Variants in FRMD4A observed in about 807,000 individuals in gnomAD.
The protein encoded by FRMD4A is FERM domain-containing protein 4A.
In FRMD4A, 29 loss-of-function variants were observed where a neutral mutation model predicts 129.1. That is an observed-to-expected ratio of 0.22 (90% CI 0.17 to 0.31). The LOEUF is 0.31. Ranked by LOEUF, FRMD4A falls within the 10% of genes least tolerant of loss-of-function variation. The pLI is 1.00. For synonymous variants in FRMD4A, 634 were observed against 571.6 expected (o/e 1.11, Z -1.56); for missense variants, 1,272 against 1,375.8 (o/e 0.92, Z 1.19).
At chr10:14,030,830 T>C (rs891994166) in intron 2 of FRMD4A, among the ~76,000 whole-genome samples, 4 of 152,160 alleles carry the variant, frequency 2.6e-5, no homozygotes, top group Non-Finnish European at 5.9e-5. Context: ...CCACTCAGGA[T>C]GCATTTTCCA....
intron 2 of FRMD4A, among the ~76,000 whole-genome samples, chr10:14,176,717 C>T (rs1479258355): frequency 6.6e-6 from 1 of 152,104 alleles, no homozygotes. Context: ...TCACGATCCA[C>T]CCCCTCGGCC....
intron 2 of FRMD4A, among the ~76,000 whole-genome samples, chr10:14,015,398 G>T (rs141034846): frequency 8.3e-6 from 1 of 119,954 alleles, no homozygotes; most frequent in Non-Finnish European, 1.7e-5. Context: ...CCCTCCCCTC[G>T]CCTCCCCTCC....
chr10:14,196,381 A>C (rs1167634337), intron 2 of FRMD4A, among the ~76,000 whole-genome samples: 1 of 152,208 alleles, frequency 6.6e-6, no homozygotes, highest in African/African-American at 2.4e-5. Flanking sequence ...CCCAAGCTGC[A>C]AGAGTTCCAG....
intron 2 of FRMD4A, among the ~76,000 whole-genome samples, chr10:13,965,532 G>A (rs938254428): frequency 3.9e-5 from 6 of 152,116 alleles, no homozygotes; most frequent in African/African-American, 4.8e-5. Flanking sequence ...TTTATTGAAG[G>A]AACTAGAATA....
intron 2 of FRMD4A, among the ~76,000 whole-genome samples, chr10:14,325,742 T>A (rs1279599725): frequency 6.6e-6 from 1 of 152,204 alleles, no homozygotes; most frequent in Admixed American, 6.5e-5. Flanking sequence ...TCAGCAAATA[T>A]TTGTTGGTTA....
At position 13,886,416 on chromosome 10, in the gene FRMD4A, A is replaced by G. The variant is rs1200666979; in HGVS notation, c.46-27504T>C. On this transcript the variant is annotated intron_variant, in intron 2 of 24. Transcript: ENST00000357447. ...ATCATTAAAAGGTTTGGGATTCTGC[A>G]TTAGGACCAGGACTCCGGACTTTAA... Among the ~76,000 whole-genome samples, 4 of 152,284 alleles carry G rather than the reference A, an allele frequency of 2.6e-5. No homozygotes were observed. In the East Asian group the frequency reaches 7.7e-4, roughly 29 times the overall value.
rs1171189797 is a variant in FRMD4A at position 13,983,611 on chromosome 10, C to T, written c.46-124699G>A. 2.6e-5 allele frequency among the ~76,000 whole-genome samples: 4 copies of T among 151,986 alleles called. No individual in the cohort carries two copies. The East Asian group carries it at 7.7e-4, about 29-fold the overall frequency. ...ATTGGTTTGAGGTATTGGTTATTTCCCTCTTGTTGCAGAAACAAAAGTGGT... is the reference window on the plus strand; with the variant it reads ...ATTGGTTTGAGGTATTGGTTATTTCTCTCTTGTTGCAGAAACAAAAGTGGT... On this transcript the variant is annotated intron_variant, in intron 2 of 24. Transcript: ENST00000357447.
chr10:13,978,986 T>C (rs1048513472), intron 2 of FRMD4A, among the ~76,000 whole-genome samples: 1 of 152,042 alleles, frequency 6.6e-6, no homozygotes, highest in East Asian at 1.9e-4. Flanking sequence ...CTTAGGAAAG[T>C]AAGCTGCCAT....
intron 2 of FRMD4A, among the ~76,000 whole-genome samples, chr10:13,887,548 A>G (rs1273110217): frequency 6.6e-6 from 1 of 152,104 alleles, no homozygotes; most frequent in Non-Finnish European, 1.5e-5. Flanking sequence ...GCGTAGTGGC[A>G]CGTGCCTGTA....
intron 23 of FRMD4A, chr10:13,652,759 A>T (rs1479775566): frequency 6.6e-6 from 1 of 152,278 alleles, no homozygotes; most frequent in Non-Finnish European, 1.5e-5. Flanking sequence ...TCAAAACTTG[A>T]GTGTGGGTCA....
At chr10:14,204,418 G>A (rs1207815002) in intron 2 of FRMD4A, among the ~76,000 whole-genome samples, 6 of 150,862 alleles carry the variant, frequency 4.0e-5, no homozygotes, top group Non-Finnish European at 5.9e-5. Context: ...ACAGTGAGAC[G>A]CAGTCAAAAA....
intron 2 of FRMD4A, among the ~76,000 whole-genome samples, chr10:14,131,605 C>T (rs1010756680): frequency 2.6e-5 from 4 of 152,220 alleles, no homozygotes; most frequent in Non-Finnish European, 4.4e-5. Context: ...AAATGTCAGG[C>T]TTCCATGTGA....
chr10:13,779,171 G>A (rs1364365352), intron 6 of FRMD4A, among the ~76,000 whole-genome samples: 2 of 152,086 alleles, frequency 1.3e-5, no homozygotes, highest in African/African-American at 4.8e-5. Context: ...ACAAAAATTA[G>A]CCAGGTGTGA....
chr10:14,299,510 G>A (rs144640109), intron 2 of FRMD4A, among the ~76,000 whole-genome samples: 1 of 152,334 alleles, frequency 6.6e-6, no homozygotes, highest in East Asian at 1.9e-4. Context: ...TGTGGCAAGT[G>A]AGGCAGCTGA....
chr10:13,658,664 T>C (rs1430700319), intron 21 of FRMD4A, among the ~76,000 whole-genome samples: 1 of 152,174 alleles, frequency 6.6e-6, no homozygotes. Flanking sequence ...GTGGATCACC[T>C]GAGGTCAGGA....
At chr10:14,239,500 A>G (rs573307994) in intron 2 of FRMD4A, among the ~76,000 whole-genome samples, 326 of 152,212 alleles carry the variant, frequency 2.1e-3, no homozygotes, top group Non-Finnish European at 3.8e-3. Flanking sequence ...GGTGGTGGGC[A>G]CCTGTAGTCC....
At chr10:14,304,106 A>G (rs1218476) in intron 2 of FRMD4A, among the ~76,000 whole-genome samples, 1 of 152,060 alleles carries the variant, frequency 6.6e-6, no homozygotes, top group Admixed American at 6.5e-5. Flanking sequence ...TGGGTATACA[A>G]ATATCTCAAC....
intron 5 of FRMD4A, among the ~76,000 whole-genome samples, chr10:13,786,378 G>C (rs999730181): frequency 3.3e-5 from 5 of 152,224 alleles, no homozygotes; most frequent in African/African-American, 1.2e-4. Context: ...GCCAAGATGT[G>C]TGGATCAACT....
At chr10:13,762,937 C>T (rs76367351) in intron 6 of FRMD4A, among the ~76,000 whole-genome samples, 2,460 of 152,098 alleles carry the variant, frequency 0.016, 83 homozygotes, top group South Asian at 0.12. Flanking sequence ...ATAGTACCAC[C>T]GCACTCCAGC....
Sources: gnomAD v4.1 joint callset for allele counts (sites outside exome capture counted in the v4.1 genomes callset) on GRCh38, gnomAD v4.1.1 for gene constraint, MANE v1.5 for transcripts, NCBI Gene and HGNC (gene_info 2026-07-23, HGNC 2026-07-21) for gene names.